The following APOO variants were observed in gnomAD, a reference collection of about 807,000 sequenced individuals.
APOO encodes MICOS complex subunit MIC26.
A neutral mutation model predicts 23.1 loss-of-function variants in APOO; 11 were observed. That is an observed-to-expected ratio of 0.48 (90% confidence interval 0.30 to 0.79). APOO has a LOEUF of 0.79. Among genes scored for constraint, APOO ranks in the 30% least tolerant of loss-of-function variants. The pLI is 0.07. For missense variants in APOO, 160 were observed against 142.7 expected (o/e 1.12, Z -0.62); for synonymous variants, 59 against 54.8 (o/e 1.08, Z -0.34).
At chrX:23,879,877 G>A (rs977741951) in intron 2 of APOO, among the ~76,000 whole-genome samples, 9 of 110,986 alleles carry the variant, frequency 8.1e-5, no homozygotes, top group East Asian at 5.6e-4. Flanking sequence ...CCTGAGAAGC[G>A]AGTAAAGGGC....
intron 8 of APOO, among the ~76,000 whole-genome samples, chrX:23,836,431 C>T (rs998819122): frequency 4.5e-5 from 5 of 111,875 alleles, no homozygotes; most frequent in African/African-American, 9.7e-5. Flanking sequence ...TCCCCTGCCT[C>T]GGCCTCCCGA....
intron 4 of APOO, among the ~76,000 whole-genome samples, chrX:23,872,986 G>C (rs1460463831): frequency 9.0e-6 from 1 of 110,756 alleles, no homozygotes; most frequent in East Asian, 2.8e-4. Flanking sequence ...GGGAGGCAGA[G>C]GTTGCAGTGA....
At chrX:23,841,486 TAAAAAAAAAAAAA>T (rs543879334) in intron 7 of APOO, among the ~76,000 whole-genome samples, 6 of 65,080 alleles carry the variant, frequency 9.2e-5, no homozygotes, top group Admixed American at 3.6e-4. Flanking sequence ...AAAAGAAGTT[TAAAAAAAAAAAAA>T]AAAAAAAAAA....
intron 3 of APOO, among the ~76,000 whole-genome samples, chrX:23,876,156 C>T (rs1925835581): frequency 9.1e-6 from 1 of 110,097 alleles, no homozygotes; most frequent in African/African-American, 3.3e-5. Context: ...CTCAGCTACT[C>T]GGGAGGCTGA....
chrX:23,876,798 A>T (rs376307199), intron 3 of APOO, among the ~76,000 whole-genome samples: 1 of 112,283 alleles, frequency 8.9e-6, no homozygotes, highest in African/African-American at 3.2e-5. Flanking sequence ...ACTCCGTCTC[A>T]AAAAAAGAAA....
chrX:23,858,596 C>G (rs777608856), intron 6 of APOO, 46 bp downstream of exon 6: 1 of 1,126,221 alleles, frequency 8.9e-7, no homozygotes, highest in Non-Finnish European at 1.2e-6. Flanking sequence ...TTCATACACA[C>G]ACAAACAAGA....
rs769084067 is a variant in APOO, at chrX:23,856,258, C to T, written c.561+44G>A. 4.5e-6 allele frequency: 5 copies of T among 1,119,734 alleles called. No individual in the cohort carries two copies. In the Middle Eastern group the frequency reaches 7.3e-4, roughly 163 times the overall value. The allele number at this position is 1,119,734 out of a possible 1,213,427, so 92.3% of individuals were successfully genotyped here. On this transcript the variant is annotated intron_variant, in intron 7 of 8. Transcript: ENST00000379226. ...ATTTTACAAAACCCTAGAGAAACCA[C>T]ATATTTAAACCAAAAGGAAGATAAT...
chrX:23,896,209 G>A (rs7472138), intron 1 of APOO, among the ~76,000 whole-genome samples: 1,655 of 109,717 alleles, frequency 0.015, 31 homozygotes, highest in African/African-American at 0.051. Context: ...TGGAGGTTGC[G>A]GTGAACGAAG....
At chrX:23,889,815 C>A (rs758105440) in intron 1 of APOO, among the ~76,000 whole-genome samples, 1 of 109,752 alleles carries the variant, frequency 9.1e-6, no homozygotes, top group East Asian at 2.8e-4. Context: ...GCACCAGCCA[C>A]CACGCCTGGC....
intron 5 of APOO, among the ~76,000 whole-genome samples, chrX:23,861,249 G>C (rs1379462859): frequency 9.0e-6 from 1 of 110,965 alleles, no homozygotes; most frequent in South Asian, 3.8e-4. Flanking sequence ...CCATTCCCTT[G>C]GTGCTGTCCT....
chrX:23,873,122 T>G (rs1254906708), intron 4 of APOO, among the ~76,000 whole-genome samples: 2 of 111,312 alleles, frequency 1.8e-5, no homozygotes, highest in Non-Finnish European at 3.8e-5. Context: ...GCAGTCACCC[T>G]ACTGTGCTAT....
intron 3 of APOO, among the ~76,000 whole-genome samples, chrX:23,875,285 C>T (rs931174944): frequency 1.8e-5 from 2 of 108,195 alleles, no homozygotes; most frequent in South Asian, 4.0e-4. Flanking sequence ...CTAAAGGAAA[C>T]GAGGGACCCG....
intron 7 of APOO, among the ~76,000 whole-genome samples, chrX:23,847,408 C>T (rs976515002): frequency 6.3e-5 from 7 of 110,498 alleles, no homozygotes; most frequent in Non-Finnish European, 1.3e-4. Flanking sequence ...GGGCGGATCA[C>T]GAGGTCAGGA....
chrX:23,879,703 G>T (rs952120377), intron 2 of APOO, among the ~76,000 whole-genome samples: 1 of 111,792 alleles, frequency 8.9e-6, no homozygotes, highest in African/African-American at 3.3e-5. Flanking sequence ...GGTGGGTGAA[G>T]GGGTTAAAAA....
chrX:23,871,532 T>G (rs1336757900), intron 4 of APOO, among the ~76,000 whole-genome samples: 3 of 111,434 alleles, frequency 2.7e-5, no homozygotes, highest in African/African-American at 9.8e-5. Context: ...CTGATCATGC[T>G]GGGCCCAGTG....
In APOO at chrX:23,862,781, AAAGAG is replaced by A. The variant is rs200332846; in HGVS notation, c.389-4053_389-4049del. Among the ~76,000 whole-genome samples, 25 of 95,788 alleles carry A rather than the reference AAAGAG, an allele frequency of 2.6e-4. 1 individual carries two copies. The highest frequency in any genetic ancestry group is 4.3e-4 in the African/African-American group (11 of 25,860). The allele number at this position is 95,788 out of a possible 115,157, so 83.2% of individuals were successfully genotyped here. On this transcript the variant is annotated intron_variant, in intron 5 of 8. Coordinates refer to ENST00000379226, the MANE Select transcript of APOO (RefSeq NM_024122.5). ...AGAGTGAGATCATCTCTCAGAAAGA[AAAGAG>A]AAGAGAAGAGAAGAGAAAGGGACGG...
At chrX:23,863,345 GAA>G (rs1256435193) in intron 5 of APOO, among the ~76,000 whole-genome samples, 1 of 111,031 alleles carries the variant, frequency 9.0e-6, no homozygotes, top group Non-Finnish European at 1.9e-5. Flanking sequence ...CAAAAAAAAA[GAA>G]AAGACTTCTA....
intron 1 of APOO, among the ~76,000 whole-genome samples, chrX:23,890,338 C>A (rs990902276): frequency 8.9e-6 from 1 of 111,802 alleles, no homozygotes; most frequent in Non-Finnish European, 1.9e-5. Flanking sequence ...CTACCAACTT[C>A]CATTGACAAA....
rs771295418 is a variant in APOO, at chrX:23,835,666, T to C, written c.*30-2054A>G. ...CTGACAGGGAAATACTTACACAATATGTTATGTAAAACAAGTTCATTCATT... is the reference window on the plus strand; with the variant it reads ...CTGACAGGGAAATACTTACACAATACGTTATGTAAAACAAGTTCATTCATT... On this transcript the variant is annotated intron_variant, in intron 8 of 8. Coordinates refer to ENST00000379226, the MANE Select transcript of APOO (RefSeq NM_024122.5). 1.5e-3 allele frequency among the ~76,000 whole-genome samples: 167 copies of C among 111,026 alleles called. 2 individuals carry two copies. Among genetic ancestry groups the C allele is most frequent in the Non-Finnish European group, 2.7e-3 (143 of 53,024 alleles).
Sources: allele counts gnomAD v4.1 joint callset (sites outside exome capture counted in the v4.1 genomes callset), GRCh38; gene constraint gnomAD v4.1.1; transcripts MANE v1.5; gene names NCBI Gene and HGNC (gene_info 2026-07-23, HGNC 2026-07-21).